Variants in RAB2A observed in about 807,000 individuals in gnomAD.
The protein encoded by RAB2A is RAB2A, member RAS oncogene family, also known as ras-related protein Rab-2A.
RAB2A carries 7 observed loss-of-function variants against 32.5 expected under a neutral mutation model. That is an observed-to-expected ratio of 0.22 (90% CI 0.12 to 0.40). The LOEUF (loss-of-function observed/expected upper bound fraction) is 0.40, where lower values mean the gene tolerates loss of function less well. RAB2A is among the 10% of genes least tolerant of loss of function. RAB2A has a pLI of 1.00. For synonymous variants in RAB2A, 79 were observed against 85.2 expected (o/e 0.93, Z 0.40); for missense variants, 108 against 260.7 (o/e 0.41, Z 4.03).
chr8:60,537,132 T>C (rs962741813), intron 1 of RAB2A, among the ~76,000 whole-genome samples: 5 of 152,246 alleles, frequency 3.3e-5, no homozygotes, highest in Admixed American at 6.5e-5. Flanking sequence ...ATATTTTACA[T>C]TGCAATCTAG....
intron 4 of RAB2A, 134 bp from the exon 5 acceptor site, chr8:60,584,589 T>G (rs969339728): frequency 7.2e-6 from 5 of 690,994 alleles, no homozygotes; most frequent in African/African-American, 1.8e-5. Flanking sequence ...AACCCAGATA[T>G]GGTGCTTAAA....
At chr8:60,559,208 A>T in intron 2 of RAB2A, 1 of 282,888 alleles carries the variant, frequency 3.5e-6, no homozygotes, top group Non-Finnish European at 6.8e-6. Context: ...CAAGCATGGT[A>T]AGAGCAGAAA....
chr8:60,576,345 G>A, intron 3 of RAB2A: 2 of 441,922 alleles, frequency 4.5e-6, no homozygotes, highest in South Asian at 3.2e-5. Context: ...GCCTTGTTCT[G>A]CTCTTGTTCT....
chr8:60,566,330 T>C (rs1162636375), intron 2 of RAB2A, among the ~76,000 whole-genome samples: 1 of 152,230 alleles, frequency 6.6e-6, no homozygotes, highest in Non-Finnish European at 1.5e-5. Context: ...ATTTTTACTT[T>C]TTCGTTCTTT....
chr8:60,552,578 T>C (rs1807872105), intron 1 of RAB2A: 1 of 152,226 alleles, frequency 6.6e-6, no homozygotes, highest in African/African-American at 2.4e-5. Flanking sequence ...AAAGAAAACG[T>C]TATTAAAATT....
At chr8:60,597,977 C>G (rs986725248) in intron 6 of RAB2A, among the ~76,000 whole-genome samples, 11 of 152,294 alleles carry the variant, frequency 7.2e-5, no homozygotes, top group African/African-American at 2.6e-4. Flanking sequence ...TTGCTACACC[C>G]AGCCAGTATG....
chr8:60,526,544 C>G (rs897476326), intron 1 of RAB2A, among the ~76,000 whole-genome samples: 5 of 152,206 alleles, frequency 3.3e-5, no homozygotes, highest in African/African-American at 1.2e-4. Context: ...TTAATCAAAT[C>G]TACAAAATCC....
At chr8:60,568,171 T>C (rs1808144088) in intron 2 of RAB2A, among the ~76,000 whole-genome samples, 1 of 152,342 alleles carries the variant, frequency 6.6e-6, no homozygotes, top group Non-Finnish European at 1.5e-5. Flanking sequence ...AGGAAGGCTG[T>C]TTGCTCTACA....
chr8:60,609,177 A>G (rs1010775653), intron 6 of RAB2A, among the ~76,000 whole-genome samples: 8 of 152,150 alleles, frequency 5.3e-5, no homozygotes, highest in Non-Finnish European at 1.2e-4. Context: ...GGAGTCGATC[A>G]GCTTTACAGT....
chr8:60,598,209 A>G (rs1316924870), intron 6 of RAB2A, among the ~76,000 whole-genome samples: 1 of 152,218 alleles, frequency 6.6e-6, no homozygotes, highest in Non-Finnish European at 1.5e-5. Context: ...CAAAAAAGAA[A>G]AAAATTGAAT....
In RAB2A at chr8:60,617,553, A is replaced by T. The variant is rs764841312; in HGVS notation, c.475-1027A>T. 7.3e-4 allele frequency among the ~76,000 whole-genome samples: 111 copies of T among 152,120 alleles called. 3 individuals are homozygous for T. Among genetic ancestry groups the T allele is most frequent in the Admixed American group, 3.3e-4 (5 of 15,258 alleles). On this transcript the variant is annotated intron_variant, in intron 6 of 7. Coordinates refer to ENST00000262646, the MANE Select transcript of RAB2A (RefSeq NM_002865.3). ...GTCATGATGTTTTCTTTTGAGATATAATTCACATACCATAAAATTGATGCT... is the reference window on the plus strand; with the variant it reads ...GTCATGATGTTTTCTTTTGAGATATTATTCACATACCATAAAATTGATGCT...
chr8:60,567,153 G>C (rs1808127921), intron 2 of RAB2A, among the ~76,000 whole-genome samples: 1 of 146,396 alleles, frequency 6.8e-6, no homozygotes, highest in Non-Finnish European at 1.5e-5. Flanking sequence ...GTCTCATTCA[G>C]TTGCCAGGCT....
In RAB2A at chr8:60,584,280, G is replaced by A; in HGVS notation, c.259G>A (p.Asp87Asn). ...TGCAGCAGGAGCTTTACTAGTTTAC[G>A]ATATTACACGGTGAGAACTTGAAAA... ...RGAAGALLVY[D>N]ITRRDTFNHL... The change falls in exon 4 of 8, where the codon GAT (aspartate) becomes AAT (asparagine). Residue 87 changes from aspartate to asparagine, a missense_variant. Coordinates refer to ENST00000262646, the MANE Select transcript of RAB2A (RefSeq NM_002865.3). 1.3e-6 allele frequency: 2 copies of A among 1,596,688 alleles called. No homozygotes were observed. Among genetic ancestry groups the A allele is most frequent in the Non-Finnish European group, 1.7e-6 (2 of 1,164,334 alleles).
intron 5 of RAB2A, among the ~76,000 whole-genome samples, chr8:60,588,675 G>T (rs1169911491): frequency 1.3e-5 from 2 of 152,204 alleles, no homozygotes; most frequent in Non-Finnish European, 2.9e-5. Context: ...GGGTGCAGGG[G>T]CAAGAAGGGA....
intron 1 of RAB2A, among the ~76,000 whole-genome samples, chr8:60,522,523 T>TA (rs968510168): frequency 6.6e-6 from 1 of 151,784 alleles, no homozygotes; most frequent in African/African-American, 2.4e-5. Context: ...CTTTCTTTTT[T>TA]AAAAAAAAAT....
chr8:60,539,567 A>G (rs145435656), intron 1 of RAB2A, among the ~76,000 whole-genome samples: 112 of 152,350 alleles, frequency 7.4e-4, no homozygotes, highest in African/African-American at 2.5e-3. Flanking sequence ...TGAAGAAGGC[A>G]TAAGTTCACC....
At chr8:60,517,649 G>A (rs1178461323) in intron 1 of RAB2A, among the ~76,000 whole-genome samples, 1 of 152,188 alleles carries the variant, frequency 6.6e-6, no homozygotes, top group Non-Finnish European at 1.5e-5. Context: ...ACCTAGGGGA[G>A]CAGAAGGTGT....
intron 6 of RAB2A, among the ~76,000 whole-genome samples, chr8:60,608,020 C>T (rs1190501863): frequency 3.3e-5 from 5 of 152,210 alleles, no homozygotes; most frequent in Non-Finnish European, 5.9e-5. Context: ...CACCTGTCTT[C>T]ATAGTCTGAC....
At chr8:60,573,021 C>T (rs1000035478) in intron 3 of RAB2A, among the ~76,000 whole-genome samples, 3 of 152,128 alleles carry the variant, frequency 2.0e-5, no homozygotes, top group Non-Finnish European at 2.9e-5. Flanking sequence ...CCTGCTTCTG[C>T]ACTGAGCCTT....
Sources: allele counts gnomAD v4.1 joint callset (sites outside exome capture counted in the v4.1 genomes callset), GRCh38; gene constraint gnomAD v4.1.1; transcripts MANE v1.5; gene names NCBI Gene and HGNC (gene_info 2026-07-23, HGNC 2026-07-21).